Variants in PCNX1 observed in about 807,000 individuals in gnomAD.
PCNX1 encodes the protein pecanex 1.
PCNX1 carries 78 observed loss-of-function variants against 242.2 expected under a neutral mutation model. The observed-to-expected ratio is 0.32, with a 90% CI of 0.27 to 0.39. The LOEUF (loss-of-function observed/expected upper bound fraction) is 0.39, where lower values mean the gene tolerates loss of function less well. Among genes scored for constraint, PCNX1 ranks in the 10% least tolerant of loss-of-function variants. The pLI is 1.00. For synonymous variants in PCNX1, 1,024 were observed against 1,032.9 expected (o/e 0.99, Z 0.17); for missense variants, 2,581 against 2,856.5 (o/e 0.90, Z 2.20).
chr14:70,979,727 G>C (rs2058781863), intron 6 of PCNX1, among the ~76,000 whole-genome samples: 1 of 152,002 alleles, frequency 6.6e-6, no homozygotes, highest in Non-Finnish European at 1.5e-5. Context: ...AATTTCACCC[G>C]AAGTATTTTA....
At chr14:71,050,879 A>G (rs1342075789) in intron 23 of PCNX1, 119 bp downstream of exon 23, 2 of 995,738 alleles carry the variant, frequency 2.0e-6, no homozygotes, top group Middle Eastern at 3.1e-4. Context: ...TCAAAAATTC[A>G]TAATCTTGGC....
At chr14:70,910,669 G>A (rs1356692085) in intron 1 of PCNX1, among the ~76,000 whole-genome samples, 1 of 152,042 alleles carries the variant, frequency 6.6e-6, no homozygotes, top group African/African-American at 2.4e-5. Context: ...AAATAGTATG[G>A]TATTTATTCC....
At chr14:71,026,088 AACTG>A (rs2060237179) in intron 13 of PCNX1, 25 bp from the exon 14 acceptor site, 1 of 1,462,172 alleles carries the variant, frequency 6.8e-7, no homozygotes, top group Admixed American at 2.0e-5. Context: ...AAATTAACCA[AACTG>A]ACTTTTAAAA....
At chr14:71,086,555 C>G (rs1451742553) in intron 28 of PCNX1, among the ~76,000 whole-genome samples, 1 of 152,196 alleles carries the variant, frequency 6.6e-6, no homozygotes, top group Non-Finnish European at 1.5e-5. Flanking sequence ...CTAATTCTTC[C>G]CCATGACCAA....
At chr14:71,092,228 T>C (rs1436471336) in intron 30 of PCNX1, among the ~76,000 whole-genome samples, 2 of 152,264 alleles carry the variant, frequency 1.3e-5, no homozygotes, top group Non-Finnish European at 2.9e-5. Flanking sequence ...CCACTGTTAC[T>C]ACACCAGCAG....
chr14:71,027,596 A>G (rs780122878), intron 15 of PCNX1, among the ~76,000 whole-genome samples: 3 of 151,918 alleles, frequency 2.0e-5, no homozygotes, highest in Non-Finnish European at 2.9e-5. Context: ...CTGTAACTTT[A>G]TAGTTCATTT....
chr14:70,947,149 A>T, intron 2 of PCNX1, 26 bp downstream of exon 2: 1 of 1,447,124 alleles, frequency 6.9e-7, no homozygotes, highest in Non-Finnish European at 9.6e-7. Context: ...TCATTGATTG[A>T]TCGTAATGAT....
At chr14:70,947,246 A>G (rs2057493869) in intron 2 of PCNX1, 123 bp downstream of exon 2, 1 of 693,868 alleles carries the variant, frequency 1.4e-6, no homozygotes, top group Non-Finnish European at 2.5e-6. Context: ...AGATCTTACC[A>G]CTGTAGATAC....
chr14:71,108,576 G>C (rs754846927), intron 33 of PCNX1, 28 bp from the exon 34 acceptor site: 2 of 1,555,536 alleles, frequency 1.3e-6, no homozygotes, highest in Admixed American at 3.5e-5. Context: ...ATTCTACTTT[G>C]AGTGAGTGCT....
Position 71,047,879 on chromosome 14 carries a change from G to T in PCNX1, c.4233G>T (p.Gln1411His), listed in dbSNP as rs1447094508. Reference protein sequence around the residue: ...LRSSFSSPTYQYVTVIFTVLF... With the variant: ...LRSSFSSPTYHYVTVIFTVLF... ...CCTCTTTTAGCAGCCCTACATATCA[G>T]TATGTTACAGTCATCTTTACTGTGC... Residue 1411 changes from glutamine to histidine, a missense_variant, in exon 22 of 36, where the codon CAG becomes CAT. By Grantham distance (24) the Gln-to-His change is conservative (BLOSUM62 0). Transcript: ENST00000304743. The T allele has an allele frequency of 1.2e-6, 2 of 1,612,978 alleles. No individual in the cohort carries two copies. The highest frequency in any genetic ancestry group is 1.3e-5 in the African/African-American group (1 of 74,978).
intron 1 of PCNX1, among the ~76,000 whole-genome samples, chr14:70,942,719 A>G (rs1410598599): frequency 2.6e-5 from 4 of 152,364 alleles, no homozygotes; most frequent in African/African-American, 7.2e-5. Flanking sequence ...GTTAGGTATC[A>G]TGAAGCTCCT....
intron 11 of PCNX1, among the ~76,000 whole-genome samples, chr14:71,017,119 T>G (rs1385228772): frequency 6.6e-6 from 1 of 152,148 alleles, no homozygotes; most frequent in Non-Finnish European, 1.5e-5. Flanking sequence ...TGCAAATAAG[T>G]TCAACATTGG....
chr14:71,027,172 T>C (rs1269498079), intron 15 of PCNX1: 1 of 254,740 alleles, frequency 3.9e-6, no homozygotes, highest in Non-Finnish European at 7.5e-6. Context: ...AGCCTACATA[T>C]ACTTAAGAGG....
Position 70,998,581 on chromosome 14 carries a change from T to G in PCNX1, c.2629+2656T>G, listed in dbSNP as rs1353705482. On this transcript the variant is annotated intron_variant, in intron 8 of 35. Coordinates refer to ENST00000304743, the MANE Select transcript of PCNX1 (RefSeq NM_014982.3). ...GCCTGGCCAAAATGGTGAATCCCCATCTCTACTAAAAATACAAAAAATAGC... is the reference window on the plus strand; with the variant it reads ...GCCTGGCCAAAATGGTGAATCCCCAGCTCTACTAAAAATACAAAAAATAGC... 5.9e-5 allele frequency among the ~76,000 whole-genome samples: 9 copies of G among 151,584 alleles called. No homozygotes were observed. In the East Asian group the frequency reaches 1.7e-3, roughly 29 times the overall value.
rs547991125 is a variant in PCNX1, at chr14:70,988,472, C to T, written c.2312-95C>T. The T allele has an allele frequency of 1.4e-4, 176 of 1,290,968 alleles. 2 individuals are homozygous for T. Among genetic ancestry groups the T allele is most frequent in the Non-Finnish European group, 1.9e-4 (171 of 912,196 alleles). 80.0% of individuals were successfully genotyped at this position (1,290,968 alleles called of 1,614,324 possible). The stretch of plus-strand genomic sequence containing the variant: ...AGTTTGGATTAATAAGTTCACTTTA[C>T]CCATGAGGGTGGGAAGTCAAGGGAA... On this transcript the variant is annotated intron_variant, in intron 6 of 35. Transcript: ENST00000304743.
intron 25 of PCNX1, among the ~76,000 whole-genome samples, chr14:71,056,868 A>C (rs1161664269): frequency 6.6e-6 from 1 of 151,888 alleles, no homozygotes; most frequent in African/African-American, 2.4e-5. Context: ...TAGTAGTGAC[A>C]GGGTTTTGCC....
intron 10 of PCNX1, 130 bp from the exon 11 acceptor site, chr14:71,012,855 A>G: frequency 1.4e-6 from 1 of 695,444 alleles, no homozygotes; most frequent in Non-Finnish European, 2.4e-6. Flanking sequence ...GAGAGAAGAA[A>G]ATTAAAGGGC....
At chr14:70,991,329 T>C (rs933555122) in intron 7 of PCNX1, among the ~76,000 whole-genome samples, 1 of 151,370 alleles carries the variant, frequency 6.6e-6, no homozygotes, top group Non-Finnish European at 1.5e-5. Context: ...CTCAGCCTCC[T>C]GAGTAGCTGG....
At chr14:70,908,124 G>C in intron 1 of PCNX1, 121 bp downstream of exon 1, 1 of 913,536 alleles carries the variant, frequency 1.1e-6, no homozygotes, top group Non-Finnish European at 1.5e-6. Context: ...CCCTCTCGGT[G>C]TGAGGCTCCC....
Sources: gnomAD v4.1 joint callset for allele counts (sites outside exome capture counted in the v4.1 genomes callset) on GRCh38, gnomAD v4.1.1 for gene constraint, MANE v1.5 for transcripts, NCBI Gene and HGNC (gene_info 2026-07-23, HGNC 2026-07-21) for gene names.